The following DUS2 variants were observed in gnomAD, a reference collection of about 807,000 sequenced individuals.
DUS2 encodes tRNA-dihydrouridine(20) synthase [NAD(P)+]-like.
Under a neutral mutation model 71.3 loss-of-function variants are expected in DUS2, and 52 were observed. The ratio of observed to expected loss-of-function variants is 0.73; its 90% CI spans 0.58 to 0.92. The LOEUF (loss-of-function observed/expected upper bound fraction) is 0.92. DUS2 is among the 40% of genes least tolerant of loss of function. The probability of loss-of-function intolerance (pLI) is 0.00; values close to 1 mark genes in which losing one functional copy is unlikely to be tolerated. For missense variants in DUS2, 558 were observed against 622.6 expected, an observed-to-expected ratio of 0.90 and a Z score of 1.10; for synonymous variants, 204 against 227.8, an observed-to-expected ratio of 0.90 and a Z score of 0.94.
intron 3 of DUS2, among the ~76,000 whole-genome samples, chr16:68,045,614 A>G (rs1276410409): frequency 2.0e-5 from 3 of 151,368 alleles, no homozygotes; most frequent in Admixed American, 1.3e-4. Context: ...TCTGTCTTAA[A>G]AAAAAAAAAA....
Position 68,038,154 on chromosome 16 carries a change from G to A in DUS2, c.126+5G>A, listed in dbSNP as rs1451116322. The A allele has an allele frequency of 6.2e-7, 1 of 1,613,272 alleles. No individual in the cohort carries two copies. The highest frequency in any genetic ancestry group is 1.1e-5 in the South Asian group (1 of 91,052). ...GCGGACATTGTTTACTGTGAGGTAA[G>A]GGGCTCTGATTTTCTGGGTGGGCTT... On this transcript the variant is annotated splice_donor_5th_base_variant and intron_variant, in intron 3 of 16. Transcript: ENST00000565263.
intron 4 of DUS2, among the ~76,000 whole-genome samples, chr16:68,051,067 G>T (rs1158971246): frequency 1.3e-5 from 2 of 152,154 alleles, no homozygotes; most frequent in Admixed American, 6.5e-5. Context: ...GTGCATCAAA[G>T]ATCTCATTTA....
chr16:68,053,262 G>A (rs1184875424), intron 4 of DUS2, among the ~76,000 whole-genome samples: 3 of 152,094 alleles, frequency 2.0e-5, no homozygotes, highest in East Asian at 1.9e-4. Context: ...TACCCGGCCC[G>A]GTTTTAACAT....
Position 68,070,940 on chromosome 16 carries a change from C to T in DUS2, c.642C>T (p.Asn214=), listed in dbSNP as rs563502920. Residue 214 remains asparagine, a splice_region_variant and synonymous_variant, in exon 12 of 17, where the codon AAC becomes AAT. Coordinates refer to ENST00000565263, the MANE Select transcript of DUS2 (RefSeq NM_017803.5). ...CCCTAACCCTCTGGTTGCTTTTTAG[C>T]GGAGGATCTCATGACCACATCCAAC... is the stretch of plus-strand genomic sequence containing the variant. ...ADTLSIPVIA[N]GGSHDHIQQY... is the part of the protein sequence containing the mutation. 24 of 1,613,886 alleles carry T rather than the reference C, an allele frequency of 1.5e-5. No individual in the cohort carries two copies. Among genetic ancestry groups the T allele is most frequent in the African/African-American group, 4.0e-5 (3 of 75,032 alleles).
At chr16:68,056,851 TTA>T (rs1278565929) in intron 7 of DUS2, among the ~76,000 whole-genome samples, 1 of 144,532 alleles carries the variant, frequency 6.9e-6, no homozygotes, top group African/African-American at 2.6e-5. Context: ...TTATATAATG[TTA>T]TATATTATTT....
In DUS2 at chr16:68,078,724, A is replaced by C. The variant is rs144524020; in HGVS notation, c.1245-25A>C. ...CTCATAGCCCTGCACCCTGCCCCTC[A>C]CCTTATTGCCCTCTGTCTGCTCAGG... On this transcript the variant is annotated intron_variant, in intron 16 of 16. Transcript: ENST00000565263. 10,204 of 1,589,162 alleles carry C rather than the reference A, an allele frequency of 6.4e-3. 79 individuals carry two copies. Among genetic ancestry groups the C allele is most frequent in the South Asian group, 0.013 (1,196 of 89,206 alleles).
intron 15 of DUS2, chr16:68,077,571 T>C (rs967634742): frequency 2.6e-5 from 4 of 151,864 alleles, no homozygotes; most frequent in Non-Finnish European, 5.9e-5. Context: ...GTATTTTCAG[T>C]AGGGATGGGG....
intron 14 of DUS2, 43 bp from the exon 15 acceptor site, chr16:68,076,589 G>C: frequency 6.8e-7 from 1 of 1,472,694 alleles, no homozygotes; most frequent in Non-Finnish European, 9.5e-7. Context: ...GGGAGGGAGC[G>C]GTGATGGTGG....
At chr16:68,057,463 T>C (rs1598311457) in intron 7 of DUS2, among the ~76,000 whole-genome samples, 1 of 150,686 alleles carries the variant, frequency 6.6e-6, no homozygotes, top group Non-Finnish European at 1.5e-5. Flanking sequence ...CCGGGAGTGG[T>C]GGCCCACACA....
intron 7 of DUS2, among the ~76,000 whole-genome samples, chr16:68,059,545 CTTGG>C (rs2033910292): frequency 6.6e-6 from 1 of 152,184 alleles, no homozygotes; most frequent in Admixed American, 6.5e-5. Context: ...GTAGTCCAGG[CTTGG>C]TGGATTTTCC....
chr16:68,040,700 G>A (rs1209340208), intron 3 of DUS2, among the ~76,000 whole-genome samples: 1 of 152,116 alleles, frequency 6.6e-6, no homozygotes, highest in Non-Finnish European at 1.5e-5. Context: ...AACCTAGGTT[G>A]TGTAGGTGGC....
At chr16:68,028,634 G>A (rs1441565336) in intron 2 of DUS2, among the ~76,000 whole-genome samples, 3 of 152,174 alleles carry the variant, frequency 2.0e-5, no homozygotes, top group East Asian at 1.9e-4. Flanking sequence ...AGGAGACTCC[G>A]TCTCAAAACA....
chr16:68,046,943 G>A (rs2033710873), intron 3 of DUS2, among the ~76,000 whole-genome samples: 1 of 151,580 alleles, frequency 6.6e-6, no homozygotes. Flanking sequence ...GTAGAGACGG[G>A]GTTTCACTGT....
chr16:68,055,479 T>C (rs191526031), intron 6 of DUS2, among the ~76,000 whole-genome samples: 13 of 151,720 alleles, frequency 8.6e-5, no homozygotes, highest in Admixed American at 8.5e-4. Flanking sequence ...GGCAGGAGAG[T>C]GCTATAGTTA....
intron 8 of DUS2, among the ~76,000 whole-genome samples, chr16:68,064,059 A>C (rs2033974842): frequency 6.6e-6 from 1 of 152,176 alleles, no homozygotes; most frequent in Non-Finnish European, 1.5e-5. Flanking sequence ...CAGGGCCAGG[A>C]CATGAACTCA....
Position 68,074,063 on chromosome 16 carries a change from C to T in DUS2, c.840C>T (p.Asn280=). 1 of 1,614,210 alleles carries T rather than the reference C, an allele frequency of 6.2e-7. No homozygotes were observed. Among genetic ancestry groups the T allele is most frequent in the Non-Finnish European group, 8.5e-7 (1 of 1,180,024 alleles). The change falls in exon 13 of 17, where the codon AAC becomes AAT. Residue 280 remains asparagine, a synonymous_variant. Coordinates refer to ENST00000565263, the MANE Select transcript of DUS2 (RefSeq NM_017803.5). ...YAVQYDNHYT[N]TKYCLCQMLR... Reference sequence around the variant, plus strand: ...TGCAGTATGACAACCACTACACCAACACCAAGTACTGCTTGTGCCAGATGC... The same window carrying T: ...TGCAGTATGACAACCACTACACCAATACCAAGTACTGCTTGTGCCAGATGC...
chr16:68,027,580 A>G (rs2033371768), intron 2 of DUS2, among the ~76,000 whole-genome samples: 1 of 152,320 alleles, frequency 6.6e-6, no homozygotes, highest in Middle Eastern at 3.4e-3. Flanking sequence ...CTAAGCATCT[A>G]CCATATGCCA....
intron 7 of DUS2, among the ~76,000 whole-genome samples, chr16:68,059,833 T>C (rs2151421793): frequency 6.6e-6 from 1 of 152,190 alleles, no homozygotes; most frequent in East Asian, 1.9e-4. Context: ...AAGTAATTAA[T>C]ACCATTGTCT....
intron 12 of DUS2, 60 bp downstream of exon 12, chr16:68,071,168 G>C: frequency 2.5e-6 from 4 of 1,583,474 alleles, no homozygotes; most frequent in Non-Finnish European, 3.5e-6. Context: ...CTCCTGCAGA[G>C]AGCACTTTGT....
Sources: allele counts gnomAD v4.1 joint callset (sites outside exome capture counted in the v4.1 genomes callset), GRCh38; gene constraint gnomAD v4.1.1; transcripts MANE v1.5; gene names NCBI Gene and HGNC (gene_info 2026-07-23, HGNC 2026-07-21).